Variants in FER observed in about 807,000 individuals in gnomAD.
The protein encoded by FER is FER tyrosine kinase.
In FER, 63 loss-of-function variants were observed where a neutral mutation model predicts 111.0. The ratio of observed to expected loss-of-function variants is 0.57; its 90% CI spans 0.46 to 0.70. The LOEUF is 0.70. Among genes scored for constraint, FER ranks in the 30% least tolerant of loss-of-function variants. The probability of loss-of-function intolerance (pLI) is 0.00; values close to 1 mark genes in which losing one functional copy is unlikely to be tolerated. For synonymous variants in FER, 327 were observed against 313.9 expected (o/e 1.04, Z -0.44); for missense variants, 914 against 954.0 (o/e 0.96, Z 0.55).
intron 16 of FER, chr5:109,051,401 G>A: frequency 2.5e-6 from 4 of 1,612,552 alleles, no homozygotes; most frequent in Non-Finnish European, 2.5e-6. Context: ...GCTAGTGGCT[G>A]TAGTTCATGT....
At chr5:108,840,184 A>G (rs1185355742) in intron 5 of FER, among the ~76,000 whole-genome samples, 2 of 152,204 alleles carry the variant, frequency 1.3e-5, no homozygotes, top group Middle Eastern at 3.2e-3. Flanking sequence ...GAATAAAGAC[A>G]TTCTTCTAAA....
At chr5:108,922,343 G>C (rs1218403955) in intron 10 of FER, among the ~76,000 whole-genome samples, 5 of 152,148 alleles carry the variant, frequency 3.3e-5, no homozygotes, top group African/African-American at 1.2e-4. Context: ...ATCTGAAAGA[G>C]GAGGGTCTTC....
At chr5:109,165,593 GGTGT>G (rs66749153) in intron 17 of FER, among the ~76,000 whole-genome samples, 6,830 of 142,202 alleles carry the variant, frequency 0.048, 189 homozygotes, top group East Asian at 0.12. Flanking sequence ...GGAGGGAACT[GGTGT>G]GTGTGTGTGT....
At chr5:109,031,300 A>G (rs1380832635) in intron 13 of FER, among the ~76,000 whole-genome samples, 1 of 151,802 alleles carries the variant, frequency 6.6e-6, no homozygotes, top group Non-Finnish European at 1.5e-5. Context: ...TTCTCATACC[A>G]TCTTTCAGAG....
chr5:109,186,856 G>A (rs1350100572), intron 19 of FER, among the ~76,000 whole-genome samples: 1 of 152,210 alleles, frequency 6.6e-6, no homozygotes, highest in Non-Finnish European at 1.5e-5. Context: ...GTGCCCTAAT[G>A]TCTGGTCCCC....
chr5:109,147,762 AACACAC>A (rs1157219143), intron 17 of FER, among the ~76,000 whole-genome samples: 1 of 145,870 alleles, frequency 6.9e-6, no homozygotes, highest in African/African-American at 2.6e-5. Context: ...ATACAAAGAG[AACACAC>A]ACACACACAT....
intron 17 of FER, among the ~76,000 whole-genome samples, chr5:109,101,806 A>G (rs4957566): frequency 6.4e-4 from 97 of 152,270 alleles, no homozygotes; most frequent in Non-Finnish European, 5.1e-4. Flanking sequence ...AAAATTAACC[A>G]TAAAGGTTTT....
At chr5:108,907,448 A>G (rs1750946993) in intron 10 of FER, among the ~76,000 whole-genome samples, 2 of 151,688 alleles carry the variant, frequency 1.3e-5, no homozygotes, top group Admixed American at 1.3e-4. Flanking sequence ...TGCTGCCACC[A>G]CACCCAGCTA....
rs1268763632 is a variant in FER at position 109,193,290 on chromosome 5, G to GC, written c.*5716dup. On this transcript the variant is annotated 3_prime_UTR_variant, in exon 20 of 20. Coordinates refer to ENST00000281092, the MANE Select transcript of FER (RefSeq NM_005246.4). ...CTAAGCAGTAGCAAGCTGAGTAATG[G>GC]CACACATATGTCTAGGATAGCCAGC... 1 of 152,118 alleles carries GC rather than the reference G, an allele frequency of 6.6e-6. No homozygotes were observed. The highest frequency in any genetic ancestry group is 1.5e-5 in the Non-Finnish European group (1 of 68,018). The allele number at this position is 152,118 out of a possible 1,614,324, so 9.4% of individuals were successfully genotyped here.
intron 17 of FER, among the ~76,000 whole-genome samples, chr5:109,154,632 C>G (rs1265390913): frequency 1.3e-5 from 2 of 151,786 alleles, no homozygotes; most frequent in Non-Finnish European, 2.9e-5. Context: ...TTACTTATAC[C>G]TTAGCCACTT....
At chr5:108,828,391 A>T (rs1759693755) in intron 3 of FER, among the ~76,000 whole-genome samples, 1 of 151,876 alleles carries the variant, frequency 6.6e-6, no homozygotes, top group African/African-American at 2.4e-5. Context: ...CTATCTTCTG[A>T]CTCTTCTATT....
chr5:108,929,472 C>A (rs1754254972), intron 10 of FER, among the ~76,000 whole-genome samples: 1 of 152,056 alleles, frequency 6.6e-6, no homozygotes, highest in South Asian at 2.1e-4. Flanking sequence ...TCACAGAAAT[C>A]CTTGGTTATA....
At chr5:108,913,063 A>G (rs1484711267) in intron 10 of FER, among the ~76,000 whole-genome samples, 1 of 152,204 alleles carries the variant, frequency 6.6e-6, no homozygotes, top group Non-Finnish European at 1.5e-5. Context: ...GCCAAATACA[A>G]ATACCTCAGT....
intron 13 of FER, among the ~76,000 whole-genome samples, chr5:108,971,293 A>C (rs1299599316): frequency 2.0e-5 from 3 of 150,112 alleles, no homozygotes; most frequent in Non-Finnish European, 4.4e-5. Context: ...AAAAAAAAAA[A>C]AAACCCAGAA....
At chr5:109,050,616 A>T (rs2081836467) in intron 16 of FER, among the ~76,000 whole-genome samples, 1 of 152,228 alleles carries the variant, frequency 6.6e-6, no homozygotes, top group African/African-American at 2.4e-5. Context: ...CTGAGGAATG[A>T]TGAAAAAGTG....
intron 16 of FER, among the ~76,000 whole-genome samples, chr5:109,079,360 C>T (rs1174882856): frequency 6.6e-6 from 1 of 152,080 alleles, no homozygotes; most frequent in Non-Finnish European, 1.5e-5. Flanking sequence ...ACCTTCCTCT[C>T]TGTTGGAAAG....
intron 17 of FER, among the ~76,000 whole-genome samples, chr5:109,116,706 T>C (rs972199046): frequency 1.2e-4 from 19 of 152,166 alleles, no homozygotes; most frequent in Non-Finnish European, 2.4e-4. Context: ...GCAGCCTGTC[T>C]TCCTACACAT....
At chr5:109,167,055 T>C (rs1756627852) in intron 17 of FER, among the ~76,000 whole-genome samples, 1 of 152,180 alleles carries the variant, frequency 6.6e-6, no homozygotes, top group Admixed American at 6.6e-5. Flanking sequence ...CTTGAAATTT[T>C]CAATATTGCA....
At chr5:109,157,285 T>G (rs1755503945) in intron 17 of FER, among the ~76,000 whole-genome samples, 1 of 152,148 alleles carries the variant, frequency 6.6e-6, no homozygotes, top group South Asian at 2.1e-4. Context: ...AGTTCAGTGT[T>G]ACACAGATTT....
Sources: gnomAD v4.1 joint callset for allele counts (sites outside exome capture counted in the v4.1 genomes callset) on GRCh38, gnomAD v4.1.1 for gene constraint, MANE v1.5 for transcripts, NCBI Gene and HGNC (gene_info 2026-07-23, HGNC 2026-07-21) for gene names.